Variants in UIMC1 observed in about 807,000 individuals in gnomAD.
The protein encoded by UIMC1 is ubiquitin interaction motif containing 1, also known as BRCA1-A complex subunit RAP80.
UIMC1 carries 42 observed loss-of-function variants against 84.9 expected under a neutral mutation model. The ratio of observed to expected loss-of-function variants is 0.49; its 90% confidence interval spans 0.39 to 0.64. The LOEUF (loss-of-function observed/expected upper bound fraction) is 0.64. UIMC1 is among the 30% of genes least tolerant of loss of function. UIMC1 has a pLI of 0.00. For synonymous variants in UIMC1, 281 were observed against 293.0 expected (o/e 0.96, Z 0.42); for missense variants, 825 against 847.6 (o/e 0.97, Z 0.33).
chr5:176,977,361 C>T (rs2149494953), intron 2 of UIMC1, among the ~76,000 whole-genome samples: 1 of 151,922 alleles, frequency 6.6e-6, no homozygotes, highest in South Asian at 2.1e-4. Context: ...ACAACACTAT[C>T]ATCAAACTTC....
rs370723129 is a variant in UIMC1 at position 176,977,398 on chromosome 5, T to C, written c.148-1918A>G. 2.8e-4 allele frequency among the ~76,000 whole-genome samples: 43 copies of C among 151,950 alleles called. No individual in the cohort carries two copies. The South Asian group carries it at 8.1e-3, about 29-fold the overall frequency. ...TCAGATTGACATTTACAGAAATCAC[T>C]ATCCAAAACGTGCGTTCTTCTCAAG... On this transcript the variant is annotated intron_variant, in intron 2 of 14. Transcript: ENST00000511320.
At chr5:176,935,958 T>A (rs766607765) in intron 10 of UIMC1, among the ~76,000 whole-genome samples, 1 of 152,152 alleles carries the variant, frequency 6.6e-6, no homozygotes, top group Non-Finnish European at 1.5e-5. Flanking sequence ...ACACCCTCTA[T>A]CTAGACTCAA....
chr5:177,005,622 G>C (rs1407838505), intron 1 of UIMC1, among the ~76,000 whole-genome samples: 1 of 151,850 alleles, frequency 6.6e-6, no homozygotes, highest in Admixed American at 6.6e-5. Context: ...AACGCAAACA[G>C]CGGATAAGCT....
chr5:176,921,934 C>T (rs918408560), intron 10 of UIMC1, among the ~76,000 whole-genome samples: 1 of 152,178 alleles, frequency 6.6e-6, no homozygotes, highest in Non-Finnish European at 1.5e-5. Context: ...TTCTTCTCTC[C>T]TTTCCCCCTG....
chr5:177,012,188 C>T (rs1038251347), intron 1 of UIMC1, among the ~76,000 whole-genome samples: 1 of 152,162 alleles, frequency 6.6e-6, no homozygotes, highest in Non-Finnish European at 1.5e-5. Context: ...GCCTACTTGA[C>T]TTTTCCACCT....
intron 13 of UIMC1, 35 bp from the exon 14 acceptor site, chr5:176,906,082 G>C: frequency 6.2e-7 from 1 of 1,601,480 alleles, no homozygotes; most frequent in Non-Finnish European, 8.5e-7. Context: ...AATGTTGGTA[G>C]TAGTGTTGGT....
chr5:176,972,319 G>A (rs542970644), intron 3 of UIMC1, among the ~76,000 whole-genome samples: 140 of 151,472 alleles, frequency 9.2e-4, no homozygotes, highest in African/African-American at 3.0e-3. Flanking sequence ...GGAGAATGGC[G>A]TGAACCCTGA....
chr5:176,967,890 G>A (rs540383143), intron 6 of UIMC1, among the ~76,000 whole-genome samples: 33 of 144,788 alleles, frequency 2.3e-4, no homozygotes, highest in East Asian at 4.0e-4. Context: ...GTGACAGAGC[G>A]AGACCTTGTC....
chr5:176,986,318 C>T (rs1771976724), intron 1 of UIMC1, among the ~76,000 whole-genome samples: 2 of 138,074 alleles, frequency 1.4e-5, no homozygotes, highest in South Asian at 2.3e-4. Context: ...TGAGATTGTG[C>T]CACTGCACTC....
At chr5:176,983,261 C>G (rs1771328392) in intron 1 of UIMC1, among the ~76,000 whole-genome samples, 1 of 151,532 alleles carries the variant, frequency 6.6e-6, no homozygotes, top group East Asian at 1.9e-4. Context: ...TCCTCTCCCT[C>G]CTTTCTTCAG....
At chr5:177,013,636 G>A (rs189850811) in intron 1 of UIMC1, among the ~76,000 whole-genome samples, 1 of 152,162 alleles carries the variant, frequency 6.6e-6, no homozygotes, top group African/African-American at 2.4e-5. Flanking sequence ...TCCAGTTAAA[G>A]GAAACACAGC....
At chr5:177,002,837 T>C (rs1283338805) in intron 1 of UIMC1, among the ~76,000 whole-genome samples, 2 of 152,002 alleles carry the variant, frequency 1.3e-5, no homozygotes, top group Non-Finnish European at 2.9e-5. Context: ...TGAGTGAATA[T>C]TTCAATAAAT....
rs149767226 is a variant in UIMC1, at chr5:176,905,331, C to A, written c.2111G>T (p.Gly704Val). 1.2e-6 allele frequency: 2 copies of A among 1,614,002 alleles called. No homozygotes were observed. The highest frequency in any genetic ancestry group is 3.3e-5 in the Admixed American group (2 of 59,994). ...DFKKQVTVQPGSRTRTKAGRG... is the reference protein window; with the variant it reads ...DFKKQVTVQPVSRTRTKAGRG... ...GCCAGCTTTGGTCCGTGTCCGACTACCTGGCTGGACAGTAACTTGCTTTTT... is the reference window on the plus strand; with the variant it reads ...GCCAGCTTTGGTCCGTGTCCGACTAACTGGCTGGACAGTAACTTGCTTTTT... Residue 704 changes from glycine (G) to valine (V), a missense_variant, in exon 15 of 15, where the codon GGT becomes GTT. Gly to Val is a moderately radical substitution (Grantham distance 109). Transcript: ENST00000511320.
At chr5:177,021,794 G>A (rs1775846583) in intron 1 of UIMC1, among the ~76,000 whole-genome samples, 1 of 152,182 alleles carries the variant, frequency 6.6e-6, no homozygotes, top group Non-Finnish European at 1.5e-5. Context: ...TGGGATTACA[G>A]GCATGTGCCA....
Position 176,906,001 on chromosome 5 carries a change from T to C in UIMC1, c.1949+10A>G, listed in dbSNP as rs1759312104. The C allele has an allele frequency of 1.2e-6, 2 of 1,614,052 alleles. No individual in the cohort carries two copies. Among genetic ancestry groups the C allele is most frequent in the Middle Eastern group, 1.6e-4 (1 of 6,062 alleles). The stretch of plus-strand genomic sequence containing the variant: ...CTGACAGCCACAATTCAGTGCACAA[T>C]CCAATTCACCTGAAGGCTCCTGTTT... On this transcript the variant is annotated intron_variant, in intron 14 of 14. Coordinates refer to ENST00000511320, the MANE Select transcript of UIMC1 (RefSeq NM_001199298.2).
At chr5:176,992,341 T>C (rs992899173) in intron 1 of UIMC1, among the ~76,000 whole-genome samples, 1 of 151,970 alleles carries the variant, frequency 6.6e-6, no homozygotes, top group Non-Finnish European at 1.5e-5. Context: ...CTATCAAGAT[T>C]TGGCCAGGAA....
At chr5:176,954,806 C>A (rs565921820) in intron 8 of UIMC1, among the ~76,000 whole-genome samples, 9 of 151,080 alleles carry the variant, frequency 6.0e-5, no homozygotes, top group Admixed American at 6.6e-5. Context: ...AAATAAAGAC[C>A]TTTATGATAG....
In UIMC1 at chr5:176,928,182, C is replaced by T. The variant is rs188672632; in HGVS notation, c.1597+15153G>A. 2.7e-3 allele frequency among the ~76,000 whole-genome samples: 412 copies of T among 152,140 alleles called. 1 individual carries two copies. The highest frequency in any genetic ancestry group is 9.6e-3 in the African/African-American group (399 of 41,506). ...AAATAAACTTTTACTGCAACACAGC[C>T]GCCTGATTCATTTATAAATTGTCTA... On this transcript the variant is annotated intron_variant, in intron 10 of 14. Coordinates refer to ENST00000511320, the MANE Select transcript of UIMC1 (RefSeq NM_001199298.2).
chr5:176,943,599 C>G (rs1764720351), intron 9 of UIMC1, 111 bp from the exon 10 acceptor site: 1 of 1,328,724 alleles, frequency 7.5e-7, no homozygotes, highest in Admixed American at 2.2e-5. Context: ...GAGACAACAA[C>G]AGCTTATCAA....
Sources: gnomAD v4.1 joint callset for allele counts (sites outside exome capture counted in the v4.1 genomes callset) on GRCh38, gnomAD v4.1.1 for gene constraint, MANE v1.5 for transcripts, NCBI Gene and HGNC (gene_info 2026-07-23, HGNC 2026-07-21) for gene names.